Variants in PKD2L2 observed in about 807,000 individuals in gnomAD.
PKD2L2 encodes the protein polycystin 2 like 2, transient receptor potential cation channel, also known as polycystin-2-like protein 2.
A neutral mutation model predicts 83.9 loss-of-function variants in PKD2L2; 67 were observed. That is an observed-to-expected ratio of 0.80 (90% confidence interval 0.66 to 0.98). The LOEUF (loss-of-function observed/expected upper bound fraction) is 0.98. Ranked by LOEUF, PKD2L2 falls within the 50% of genes least tolerant of loss-of-function variation. The pLI is 0.00. For synonymous variants in PKD2L2, 223 were observed against 237.8 expected (o/e 0.94, Z 0.57); for missense variants, 632 against 717.2 (o/e 0.88, Z 1.36).
At chr5:137,927,163 A>C (rs1356335090) in intron 12 of PKD2L2, among the ~76,000 whole-genome samples, 1 of 152,236 alleles carries the variant, frequency 6.6e-6, no homozygotes, top group Non-Finnish European at 1.5e-5. Flanking sequence ...TACTTATTAC[A>C]AAAAGAAAAG....
intron 12 of PKD2L2, among the ~76,000 whole-genome samples, chr5:137,928,071 C>T (rs1759522648): frequency 6.6e-6 from 1 of 152,106 alleles, no homozygotes; most frequent in African/African-American, 2.4e-5. Flanking sequence ...GTTAGCATAA[C>T]AACATTCAAC....
intron 10 of PKD2L2, among the ~76,000 whole-genome samples, chr5:137,923,804 G>A (rs568332114): frequency 2.6e-4 from 39 of 152,226 alleles, no homozygotes; most frequent in African/African-American, 9.2e-4. Context: ...AATGCAAAGC[G>A]CTGCTGAGTA....
intron 6 of PKD2L2, 47 bp downstream of exon 6, chr5:137,906,481 C>A: frequency 1.1e-6 from 1 of 920,202 alleles, no homozygotes. Flanking sequence ...ACATCTGAAC[C>A]TACCAATGAA....
intron 7 of PKD2L2, 143 bp from the exon 8 acceptor site, chr5:137,908,622 T>C (rs2003491): frequency 0.46 from 243,140 of 526,392 alleles, 58,483 homozygotes; most frequent in East Asian, 0.6. Context: ...GGCCTTGTAA[T>C]GATTGCTGGG....
intron 7 of PKD2L2, 151 bp from the exon 8 acceptor site, chr5:137,908,614 C>T: frequency 1.9e-6 from 1 of 518,930 alleles, no homozygotes; most frequent in South Asian, 2.7e-5. Flanking sequence ...AGAAGTTTGG[C>T]CTTGTAATGA....
At chr5:137,911,213 ATATGT>A (rs1223068733) in intron 8 of PKD2L2, among the ~76,000 whole-genome samples, 4 of 152,196 alleles carry the variant, frequency 2.6e-5, no homozygotes, top group African/African-American at 9.6e-5. Context: ...AAGTGGAATC[ATATGT>A]TATTTGTCTT....
intron 14 of PKD2L2, chr5:137,940,108 C>T: frequency 6.2e-7 from 1 of 1,614,086 alleles, no homozygotes; most frequent in Non-Finnish European, 8.5e-7. Flanking sequence ...CAACCAAGTA[C>T]AAAATGAGAT....
intron 12 of PKD2L2, among the ~76,000 whole-genome samples, chr5:137,934,847 C>T (rs560788813): frequency 3.1e-4 from 47 of 152,016 alleles, no homozygotes; most frequent in Non-Finnish European, 5.9e-4. Flanking sequence ...CGTGCCACTG[C>T]ACTCCAGCCT....
chr5:137,906,074 A>AGG, intron 5 of PKD2L2, 132 bp from the exon 6 acceptor site: 1 of 573,496 alleles, frequency 1.7e-6, no homozygotes, highest in Non-Finnish European at 3.0e-6. Context: ...CATTTCCCCA[A>AGG]GGAAAAATAC....
chr5:137,939,078 G>A (rs1001100927), intron 14 of PKD2L2: 3 of 152,100 alleles, frequency 2.0e-5, no homozygotes, highest in African/African-American at 7.2e-5. Context: ...AAAAAGATAT[G>A]CTAAGAGTAT....
At chr5:137,940,083 T>G (rs778038213) in intron 14 of PKD2L2, 1 of 1,614,062 alleles carries the variant, frequency 6.2e-7, no homozygotes, top group African/African-American at 1.3e-5. Context: ...TCATTTGTTT[T>G]GTTTAGTGGC....
At position 137,894,493 on chromosome 5, in the gene PKD2L2, C is replaced by T; in HGVS notation, c.408C>T (p.Val136=). 1 of 1,613,958 alleles carries T rather than the reference C, an allele frequency of 6.2e-7. No homozygotes were observed. Among genetic ancestry groups the T allele is most frequent in the South Asian group, 1.1e-5 (1 of 91,078 alleles). Residue 136 remains valine (V), a synonymous_variant, in exon 4 of 15, where the codon GTC becomes GTT. Transcript: ENST00000508883. ...LGVPRVRQLK[V]RNNTCKVYSS... ...TTCCCAGAGTTCGTCAACTAAAAGT[C>T]CGCAACAACACATGCAAAGTCTATT...
intron 14 of PKD2L2, chr5:137,941,830 G>A (rs1761945441): frequency 2.4e-6 from 2 of 848,980 alleles, no homozygotes. Flanking sequence ...AAATTTTTCA[G>A]TGCTAGCATC....
rs960867684 is a variant in PKD2L2 at position 137,906,447 on chromosome 5, T to C, written c.975+13T>C. 1 of 1,379,816 alleles carries C rather than the reference T, an allele frequency of 7.2e-7. No homozygotes were observed. The highest frequency in any genetic ancestry group is 1.4e-5 in the African/African-American group (1 of 70,158). The allele number at this position is 1,379,816 out of a possible 1,614,324, so 85.5% of individuals were successfully genotyped here. A position where few individuals can be genotyped will look rare whatever the true frequency, so the allele number is the denominator to read the frequency against. ...GCTACTTTTGCTGGTGAGTATATATTCATGTGTATGGTTGAAGGGGATCAC... is the reference window on the plus strand; with the variant it reads ...GCTACTTTTGCTGGTGAGTATATATCCATGTGTATGGTTGAAGGGGATCAC... On this transcript the variant is annotated intron_variant, in intron 6 of 14. Coordinates refer to ENST00000508883, the MANE Select transcript of PKD2L2 (RefSeq NM_001300921.2).
rs1762215475 is a variant in PKD2L2, at chr5:137,942,701, T to C, written c.*335T>C. ...ATTTTTGAAATACAGTAATGTTTTATTTAAAAATGGGAATGACAATAAATA... is the reference window on the plus strand; with the variant it reads ...ATTTTTGAAATACAGTAATGTTTTACTTAAAAATGGGAATGACAATAAATA... On this transcript the variant is annotated 3_prime_UTR_variant, in exon 15 of 15. Coordinates refer to ENST00000508883, the MANE Select transcript of PKD2L2 (RefSeq NM_001300921.2). The C allele has an allele frequency of 5.1e-6, 3 of 592,994 alleles. No individual in the cohort carries two copies. Among genetic ancestry groups the C allele is most frequent in the Non-Finnish European group, 8.3e-6 (3 of 360,234 alleles). 36.7% of individuals were successfully genotyped at this position (592,994 alleles called of 1,614,324 possible). A position where few individuals can be genotyped will look rare whatever the true frequency, so the allele number is the denominator to read the frequency against.
chr5:137,941,842 T>C (rs1761949857), intron 14 of PKD2L2: 5 of 967,714 alleles, frequency 5.2e-6, no homozygotes, highest in Non-Finnish European at 7.9e-6. Context: ...GCTAGCATCC[T>C]ATATGCACAA....
chr5:137,941,927 T>C (rs1761969888), intron 14 of PKD2L2: 1 of 1,595,114 alleles, frequency 6.3e-7, no homozygotes, highest in Non-Finnish European at 8.6e-7. Flanking sequence ...GACTCAATTT[T>C]GTGATGCTCA....
At chr5:137,941,847 G>A in intron 14 of PKD2L2, 1 of 1,027,352 alleles carries the variant, frequency 9.7e-7, no homozygotes, top group Middle Eastern at 2.8e-4. Flanking sequence ...CATCCTATAT[G>A]CACAATTTCT....
chr5:137,900,167 C>G (rs1307101043), intron 5 of PKD2L2, among the ~76,000 whole-genome samples: 1 of 152,126 alleles, frequency 6.6e-6, no homozygotes, highest in East Asian at 1.9e-4. Context: ...AATTAGAGTA[C>G]GTACTGTACT....
Sources: gnomAD v4.1 joint callset for allele counts (sites outside exome capture counted in the v4.1 genomes callset) on GRCh38, gnomAD v4.1.1 for gene constraint, MANE v1.5 for transcripts, NCBI Gene and HGNC (gene_info 2026-07-23, HGNC 2026-07-21) for gene names.